The following WWOX variants were observed in gnomAD, a reference collection of about 807,000 sequenced individuals.
The protein encoded by WWOX is WW domain-containing oxidoreductase.
WWOX carries 69 observed loss-of-function variants against 46.2 expected under a neutral mutation model. That is an observed-to-expected ratio of 1.49 (90% CI 1.23 to 1.82). The LOEUF (loss-of-function observed/expected upper bound fraction) is 1.82, where lower values mean the gene tolerates loss of function less well. Ranked by LOEUF, WWOX falls within the 40% of genes most tolerant of loss-of-function variation. The probability of loss-of-function intolerance (pLI) is 0.00; values close to 1 mark genes in which losing one functional copy is unlikely to be tolerated. For missense variants in WWOX, 919 were observed against 542.6 expected (o/e 1.69, Z -6.89); for synonymous variants, 359 against 202.6 (o/e 1.77, Z -6.56).
At chr16:78,437,712 G>C (rs73572863) in intron 8 of WWOX, among the ~76,000 whole-genome samples, 3 of 151,994 alleles carry the variant, frequency 2.0e-5, no homozygotes, top group African/African-American at 7.3e-5. Context: ...TTTAAGTGTC[G>C]TTCTAAAAAA....
intron 8 of WWOX, among the ~76,000 whole-genome samples, chr16:79,021,669 A>T (rs780836443): frequency 7.2e-5 from 11 of 152,334 alleles, no homozygotes; most frequent in Middle Eastern, 3.4e-3. Flanking sequence ...GATGCTTCTC[A>T]CACGATCGCA....
intron 8 of WWOX, among the ~76,000 whole-genome samples, chr16:78,971,744 T>C (rs1110892): frequency 1 from 149,114 of 149,616 alleles, 74,309 homozygotes; most frequent in Middle Eastern, 1. Flanking sequence ...TCTGCCGCCC[T>C]GGCCTTCTTT....
At chr16:79,118,533 C>G (rs986651040) in intron 8 of WWOX, among the ~76,000 whole-genome samples, 1 of 152,088 alleles carries the variant, frequency 6.6e-6, no homozygotes, top group African/African-American at 2.4e-5. Context: ...GCAAAGTTGC[C>G]AGAAACCTTC....
chr16:79,085,708 A>G (rs1175422246), intron 8 of WWOX, among the ~76,000 whole-genome samples: 2 of 152,064 alleles, frequency 1.3e-5, no homozygotes, highest in Non-Finnish European at 2.9e-5. Context: ...CCTTACCAAA[A>G]CCAGTTACCC....
chr16:79,099,732 C>G (rs988450349), intron 8 of WWOX, among the ~76,000 whole-genome samples: 15 of 152,068 alleles, frequency 9.9e-5, no homozygotes, highest in African/African-American at 3.6e-4. Flanking sequence ...TTGCAGTGTA[C>G]AAATCTCTAA....
chr16:78,299,034 T>C (rs1169311892), intron 5 of WWOX, among the ~76,000 whole-genome samples: 1 of 152,210 alleles, frequency 6.6e-6, no homozygotes, highest in Non-Finnish European at 1.5e-5. Flanking sequence ...GCCAGCATTC[T>C]GGTTTCACAG....
chr16:79,112,564 C>G (rs2049437768), intron 8 of WWOX, among the ~76,000 whole-genome samples: 1 of 152,130 alleles, frequency 6.6e-6, no homozygotes, highest in Non-Finnish European at 1.5e-5. Context: ...AGCAAGACAC[C>G]AGCTTTTCAC....
intron 6 of WWOX, among the ~76,000 whole-genome samples, chr16:78,390,385 G>C (rs1014725708): frequency 6.6e-6 from 1 of 152,158 alleles, no homozygotes; most frequent in Non-Finnish European, 1.5e-5. Context: ...CAAAACCTTG[G>C]AGGAAACTCT....
At chr16:78,163,839 C>T (rs979139321) in intron 4 of WWOX, among the ~76,000 whole-genome samples, 5 of 152,144 alleles carry the variant, frequency 3.3e-5, no homozygotes, top group African/African-American at 1.2e-4. Context: ...TCTTCTATGT[C>T]CCAGTCTTCA....
At chr16:78,501,841 G>C (rs2085078065) in intron 8 of WWOX, among the ~76,000 whole-genome samples, 1 of 152,118 alleles carries the variant, frequency 6.6e-6, no homozygotes, top group Non-Finnish European at 1.5e-5. Context: ...GCGATGCCCT[G>C]GGCTAATGAA....
intron 8 of WWOX, among the ~76,000 whole-genome samples, chr16:78,742,885 T>C (rs144423801): frequency 0.011 from 1,674 of 152,238 alleles, 35 homozygotes; most frequent in African/African-American, 0.038. Context: ...GTGTAGGGTC[T>C]GGTCAAGGAA....
intron 6 of WWOX, among the ~76,000 whole-genome samples, chr16:78,388,186 A>G (rs2082099119): frequency 6.6e-6 from 1 of 152,130 alleles, no homozygotes; most frequent in African/African-American, 2.4e-5. Flanking sequence ...GCCTGCCACC[A>G]TGGCCTGCTA....
intron 8 of WWOX, among the ~76,000 whole-genome samples, chr16:79,057,870 C>T (rs2113304): frequency 0.075 from 11,437 of 152,158 alleles, 709 homozygotes; most frequent in African/African-American, 0.17. Flanking sequence ...TGAATTATTT[C>T]CATATCCATA....
chr16:78,887,163 A>G lies in WWOX; in HGVS notation c.1057-324445A>G, dbSNP rs371565601. Among the ~76,000 whole-genome samples the G allele has an allele frequency of 4.8e-4, 70 of 145,392 alleles. 1 individual carries two copies. In the South Asian group the frequency reaches 0.012, roughly 24 times the overall value. On this transcript the variant is annotated intron_variant, in intron 8 of 8. Transcript: ENST00000566780. Reference sequence around the variant, plus strand: ...ACCTAGTCTAGGGCTAGGTTTGGGAACTATTTTCTCCCGTAAGTTAAACTG... The same window carrying G: ...ACCTAGTCTAGGGCTAGGTTTGGGAGCTATTTTCTCCCGTAAGTTAAACTG...
At chr16:78,282,834 T>G (rs2079703003) in intron 5 of WWOX, among the ~76,000 whole-genome samples, 1 of 134,774 alleles carries the variant, frequency 7.4e-6, no homozygotes. Context: ...GCCGAGATCG[T>G]GCCGTTGCAC....
intron 8 of WWOX, among the ~76,000 whole-genome samples, chr16:78,939,339 G>A (rs778029248): frequency 6.6e-6 from 1 of 152,224 alleles, no homozygotes; most frequent in African/African-American, 2.4e-5. Flanking sequence ...GTCCCTTACA[G>A]ATGATGCCCA....
At chr16:79,149,651 C>G (rs1002833125) in intron 8 of WWOX, among the ~76,000 whole-genome samples, 2 of 152,194 alleles carry the variant, frequency 1.3e-5, no homozygotes, top group Admixed American at 6.5e-5. Context: ...AGTTTCATGT[C>G]TCATAAATAA....
chr16:78,512,139 T>A (rs1242560650), intron 8 of WWOX, among the ~76,000 whole-genome samples: 3 of 152,158 alleles, frequency 2.0e-5, no homozygotes, highest in Non-Finnish European at 4.4e-5. Flanking sequence ...TGATAAAGAT[T>A]GTGTGATCAA....
intron 8 of WWOX, among the ~76,000 whole-genome samples, chr16:78,830,167 C>G (rs2051777236): frequency 6.6e-6 from 1 of 151,570 alleles, no homozygotes; most frequent in African/African-American, 2.4e-5. Flanking sequence ...AGAGCTGCCG[C>G]AATGAAAGAA....
Sources: gnomAD v4.1 joint callset for allele counts (sites outside exome capture counted in the v4.1 genomes callset) on GRCh38, gnomAD v4.1.1 for gene constraint, MANE v1.5 for transcripts, NCBI Gene and HGNC (gene_info 2026-07-23, HGNC 2026-07-21) for gene names.